Variants in SNX29 observed in about 807,000 individuals in gnomAD.
SNX29 encodes sorting nexin-29.
SNX29 carries 78 observed loss-of-function variants against 102.1 expected under a neutral mutation model. The observed-to-expected ratio is 0.76, with a 90% CI of 0.64 to 0.92. SNX29 has a LOEUF of 0.92. SNX29 is among the 40% of genes least tolerant of loss of function. The probability of loss-of-function intolerance (pLI) is 0.00; values close to 1 mark genes in which losing one functional copy is unlikely to be tolerated. For missense variants in SNX29, 1,280 were observed against 1,061.7 expected, an observed-to-expected ratio of 1.21 and a Z score of -2.86; for synonymous variants, 580 against 414.5, an observed-to-expected ratio of 1.40 and a Z score of -4.85.
chr16:12,562,848 C>T (rs566353468), intron 20 of SNX29, among the ~76,000 whole-genome samples: 2 of 152,154 alleles, frequency 1.3e-5, no homozygotes, highest in Non-Finnish European at 2.9e-5. Flanking sequence ...TATAGGCAAC[C>T]CGACAGCTCC....
At chr16:12,031,751 G>T (rs1161054427) in intron 4 of SNX29, among the ~76,000 whole-genome samples, 1 of 152,052 alleles carries the variant, frequency 6.6e-6, no homozygotes, top group Non-Finnish European at 1.5e-5. Context: ...CTTGCAGTGA[G>T]CCGAGATCGC....
At chr16:12,280,524 CTTGT>C (rs533151491) in intron 15 of SNX29, among the ~76,000 whole-genome samples, 89 of 151,452 alleles carry the variant, frequency 5.9e-4, no homozygotes, top group African/African-American at 1.8e-3. Context: ...TCTTTTCCTT[CTTGT>C]TTGTTTTTTT....
At chr16:12,038,662 C>T (rs2057544924) in intron 4 of SNX29, 1 of 152,218 alleles carries the variant, frequency 6.6e-6, no homozygotes, top group South Asian at 2.1e-4. Flanking sequence ...ATCACCCTGA[C>T]TAGCTTTAAA....
In SNX29 at chr16:12,571,951, G is replaced by A. The variant is rs1363212884; in HGVS notation, c.*3322G>A. 8 of 1,061,718 alleles carry A rather than the reference G, an allele frequency of 7.5e-6. No individual in the cohort carries two copies. The highest frequency in any genetic ancestry group is 3.3e-5 in the African/African-American group (2 of 60,840). 65.8% of individuals were successfully genotyped at this position (1,061,718 alleles called of 1,614,324 possible). ...GAAGGAAGACACTTTCAGGGAAGAG[G>A]CTCTTACAGTCTATGGTGGTAGCCA... On this transcript the variant is annotated 3_prime_UTR_variant, in exon 21 of 21. Coordinates refer to ENST00000566228, the MANE Select transcript of SNX29 (RefSeq NM_032167.5).
intron 11 of SNX29, among the ~76,000 whole-genome samples, chr16:12,118,313 C>CTGTTTTTTTTTTT (rs2053821860): frequency 1.2e-5 from 1 of 86,114 alleles, no homozygotes; most frequent in African/African-American, 5.2e-5. Context: ...TACAGACCAC[C>CTGTTTTTTTTTTT]TTTTTTTTTT....
At chr16:12,048,287 C>T in intron 6 of SNX29, 85 bp from the exon 7 acceptor site, 1 of 1,590,478 alleles carries the variant, frequency 6.3e-7, no homozygotes, top group Non-Finnish European at 8.6e-7. Flanking sequence ...CTCTTCTGTA[C>T]TCTGTTGTCT....
At chr16:12,023,035 T>C (rs2057077330) in intron 3 of SNX29, among the ~76,000 whole-genome samples, 1 of 151,872 alleles carries the variant, frequency 6.6e-6, no homozygotes, top group Non-Finnish European at 1.5e-5. Context: ...TAGCTGGAAT[T>C]ACAGGTGCCT....
intron 15 of SNX29, among the ~76,000 whole-genome samples, chr16:12,351,810 A>G (rs1211567015): frequency 3.9e-5 from 6 of 152,128 alleles, no homozygotes; most frequent in Admixed American, 3.9e-4. Flanking sequence ...CTTTTAGGCC[A>G]GGGCTACCAA....
chr16:12,274,369 G>C (rs2150999940), intron 14 of SNX29, among the ~76,000 whole-genome samples: 1 of 152,300 alleles, frequency 6.6e-6, no homozygotes, highest in African/African-American at 2.4e-5. Flanking sequence ...AAGTCTGTGA[G>C]TGAGGCTTGC....
intron 15 of SNX29, among the ~76,000 whole-genome samples, chr16:12,318,588 C>A (rs2080830433): frequency 6.6e-6 from 1 of 152,112 alleles, no homozygotes; most frequent in South Asian, 2.1e-4. Flanking sequence ...ATTTAGGGCT[C>A]CTGGCTGGAC....
At chr16:12,126,791 C>G in intron 12 of SNX29, 95 bp downstream of exon 12, 1 of 1,413,782 alleles carries the variant, frequency 7.1e-7, no homozygotes. Context: ...ATTTTGCTTT[C>G]TTGGCAAAAA....
At chr16:12,218,836 G>A (rs1360318563) in intron 14 of SNX29, among the ~76,000 whole-genome samples, 9 of 151,882 alleles carry the variant, frequency 5.9e-5, no homozygotes, top group African/African-American at 1.5e-4. Flanking sequence ...GTGCAGTGGC[G>A]CGACCTCGGC....
chr16:12,215,566 G>A (rs557874744), intron 14 of SNX29, among the ~76,000 whole-genome samples: 9 of 152,172 alleles, frequency 5.9e-5, no homozygotes, highest in Non-Finnish European at 1.2e-4. Context: ...AGAGGGGGGT[G>A]CCTGGTCTTT....
intron 19 of SNX29, among the ~76,000 whole-genome samples, chr16:12,492,848 C>T (rs1447549105): frequency 6.6e-6 from 1 of 152,122 alleles, no homozygotes; most frequent in Non-Finnish European, 1.5e-5. Context: ...TGTAGATATG[C>T]AGCATTATTT....
intron 3 of SNX29, among the ~76,000 whole-genome samples, chr16:12,005,010 G>A (rs991354752): frequency 5.9e-5 from 9 of 152,200 alleles, no homozygotes; most frequent in African/African-American, 2.2e-4. Context: ...TTGTTATCCG[G>A]ATGAGCGTGT....
chr16:11,985,241 A>T (rs1255032461), intron 1 of SNX29, among the ~76,000 whole-genome samples: 1 of 152,148 alleles, frequency 6.6e-6, no homozygotes, highest in East Asian at 1.9e-4. Context: ...TTCAACATTC[A>T]GCAAACATTG....
At chr16:12,501,750 AAG>A (rs1307729462) in intron 19 of SNX29, among the ~76,000 whole-genome samples, 28 of 146,838 alleles carry the variant, frequency 1.9e-4, no homozygotes, top group African/African-American at 7.2e-4. Flanking sequence ...AAAAAAAAAA[AAG>A]GCAGTGGTAA....
intron 11 of SNX29, among the ~76,000 whole-genome samples, chr16:12,079,262 G>C (rs1158473312): frequency 1.3e-5 from 2 of 152,238 alleles, no homozygotes; most frequent in Admixed American, 6.5e-5. Context: ...ATTTTTGTAA[G>C]TGAAGAAGAA....
chr16:12,196,335 T>C (rs2076772384), intron 13 of SNX29, among the ~76,000 whole-genome samples: 1 of 152,198 alleles, frequency 6.6e-6, no homozygotes, highest in Non-Finnish European at 1.5e-5. Context: ...GTAGGGTTAC[T>C]GTGTAGATAA....
Sources: gnomAD v4.1 joint callset for allele counts (sites outside exome capture counted in the v4.1 genomes callset) on GRCh38, gnomAD v4.1.1 for gene constraint, MANE v1.5 for transcripts, NCBI Gene and HGNC (gene_info 2026-07-23, HGNC 2026-07-21) for gene names.